DENND1B: variants seen among roughly 807,000 people sequenced by gnomAD.
DENND1B encodes DENN domain containing 1B, also known as DENN domain-containing protein 1B.
DENND1B carries 59 observed loss-of-function variants against 90.1 expected under a neutral mutation model. The observed-to-expected ratio is 0.65, with a 90% CI of 0.53 to 0.81. DENND1B has a LOEUF of 0.81. DENND1B is among the 40% of genes least tolerant of loss of function. The probability of loss-of-function intolerance (pLI) is 0.00; values close to 1 mark genes in which losing one functional copy is unlikely to be tolerated. For missense variants in DENND1B, 862 were observed against 912.6 expected (o/e 0.94, Z 0.71); for synonymous variants, 337 against 324.6 (o/e 1.04, Z -0.41).
intron 3 of DENND1B, among the ~76,000 whole-genome samples, chr1:197,702,791 GTGTTGT>G (rs369046501): frequency 4.6e-5 from 7 of 152,076 alleles, no homozygotes; most frequent in Admixed American, 2.0e-4. Context: ...TACCCCTCAA[GTGTTGT>G]TGTTGTTGTT....
chr1:197,552,666 T>A, intron 16 of DENND1B: 2 of 1,026,380 alleles, frequency 1.9e-6, no homozygotes, highest in Non-Finnish European at 2.3e-6. Context: ...CTTAAATTCA[T>A]ACTCAGTAAT....
chr1:197,720,246 AT>A (rs897344865), intron 2 of DENND1B, among the ~76,000 whole-genome samples: 1 of 151,530 alleles, frequency 6.6e-6, no homozygotes, highest in Non-Finnish European at 1.5e-5. Flanking sequence ...AATTATTGTA[AT>A]TTTTTTTGAG....
chr1:197,697,282 G>A (rs112556430), intron 3 of DENND1B, among the ~76,000 whole-genome samples: 1,741 of 151,464 alleles, frequency 0.011, 42 homozygotes, highest in African/African-American at 0.04. Context: ...CCATATAACT[G>A]ACAGGGTTAG....
intron 11 of DENND1B, among the ~76,000 whole-genome samples, chr1:197,616,740 G>C (rs569114264): frequency 2.6e-5 from 4 of 151,190 alleles, no homozygotes; most frequent in Non-Finnish European, 5.9e-5. Flanking sequence ...TGAGTGCATT[G>C]ATTCTAAAAG....
Position 197,656,648 on chromosome 1 carries a change from A to T in DENND1B, c.366+1652T>A, listed in dbSNP as rs192740518. 2.2e-4 allele frequency among the ~76,000 whole-genome samples: 34 copies of T among 152,166 alleles called. No individual in the cohort carries two copies. In the East Asian group the frequency reaches 2.3e-3, roughly 10 times the overall value. ...GACTCTATCTGTACAAAAAAAAATT[A>T]AAAAATTAGCTATTTGTGGTGGCAC... On this transcript the variant is annotated intron_variant, in intron 6 of 22. Coordinates refer to ENST00000620048, the MANE Select transcript of DENND1B (RefSeq NM_001195215.2).
In DENND1B at chr1:197,509,884, G is replaced by C. The variant is rs1667907557; in HGVS notation, c.*576C>G. 1 of 152,036 alleles carries C rather than the reference G, an allele frequency of 6.6e-6. No homozygotes were observed. The highest frequency in any genetic ancestry group is 1.9e-4 in the East Asian group (1 of 5,152). 9.4% of individuals were successfully genotyped at this position (152,036 alleles called of 1,614,324 possible). A position where few individuals can be genotyped will look rare whatever the true frequency, so the allele number is the denominator to read the frequency against. On this transcript the variant is annotated 3_prime_UTR_variant, in exon 23 of 23. Coordinates refer to ENST00000620048, the MANE Select transcript of DENND1B (RefSeq NM_001195215.2). ...CAAATTAAATATTTCCATTAAGAGAGCTTTTTAATCTTGAAAAGATGAATT... is the reference window on the plus strand; with the variant it reads ...CAAATTAAATATTTCCATTAAGAGACCTTTTTAATCTTGAAAAGATGAATT...
intron 15 of DENND1B, among the ~76,000 whole-genome samples, chr1:197,564,167 AG>A (rs1228360793): frequency 6.6e-6 from 1 of 151,924 alleles, no homozygotes; most frequent in African/African-American, 2.4e-5. Flanking sequence ...AAGCAGCAGA[AG>A]GGTTTGAGAA....
intron 7 of DENND1B, 114 bp from the exon 8 acceptor site, chr1:197,647,228 T>C: frequency 2.0e-6 from 1 of 510,340 alleles, no homozygotes. Context: ...CACTAAAAAA[T>C]ACTTGAATAA....
intron 16 of DENND1B, among the ~76,000 whole-genome samples, chr1:197,549,195 CTATT>C (rs1187758806): frequency 2.0e-5 from 3 of 152,032 alleles, no homozygotes; most frequent in Non-Finnish European, 4.4e-5. Flanking sequence ...GACAAAATAT[CTATT>C]TCTCATTTAT....
chr1:197,636,735 AAAT>A (rs1186324030), intron 10 of DENND1B, among the ~76,000 whole-genome samples: 1 of 152,180 alleles, frequency 6.6e-6, no homozygotes, highest in African/African-American at 2.4e-5. Context: ...TATGATCTGA[AAAT>A]AATATCTGTG....
intron 2 of DENND1B, chr1:197,734,328 G>A: frequency 1.0e-6 from 1 of 959,006 alleles, no homozygotes; most frequent in Non-Finnish European, 1.2e-6. Context: ...TATGATGGTA[G>A]TGAAAGATAA....
intron 5 of DENND1B, 59 bp downstream of exon 5, chr1:197,671,978 G>C: frequency 6.5e-7 from 1 of 1,538,440 alleles, no homozygotes; most frequent in Non-Finnish European, 8.8e-7. Flanking sequence ...GCATAACAAA[G>C]TACAATAGAG....
chr1:197,721,488 CAT>C (rs1276921261), intron 2 of DENND1B, among the ~76,000 whole-genome samples: 2 of 149,494 alleles, frequency 1.3e-5, no homozygotes, highest in East Asian at 2.0e-4. Flanking sequence ...TTATGCGTCA[CAT>C]GTTAAGAAAT....
chr1:197,774,236 T>C (rs544392718), intron 1 of DENND1B, among the ~76,000 whole-genome samples: 1 of 152,340 alleles, frequency 6.6e-6, no homozygotes, highest in African/African-American at 2.4e-5. Context: ...TAATATTCTT[T>C]AGAATTTCTC....
chr1:197,698,170 TAAAACATTCCTCAGC>T (rs1658640752), intron 3 of DENND1B, among the ~76,000 whole-genome samples: 1 of 152,112 alleles, frequency 6.6e-6, no homozygotes, highest in South Asian at 2.1e-4. Flanking sequence ...TAATTGGAAG[TAAAACATTCCTCAGC>T]AAATGCAAAA....
chr1:197,562,863 C>G (rs1445713334), intron 15 of DENND1B, among the ~76,000 whole-genome samples: 1 of 151,876 alleles, frequency 6.6e-6, no homozygotes, highest in East Asian at 1.9e-4. Context: ...AGTGCCCACA[C>G]GAATGACAAG....
intron 6 of DENND1B, among the ~76,000 whole-genome samples, chr1:197,657,124 A>C (rs1388784328): frequency 6.6e-6 from 1 of 152,176 alleles, no homozygotes; most frequent in Non-Finnish European, 1.5e-5. Context: ...AAAGAACAAA[A>C]AGGCAGGCAA....
chr1:197,679,658 T>C (rs1302998544), intron 3 of DENND1B, among the ~76,000 whole-genome samples: 1 of 150,144 alleles, frequency 6.7e-6, no homozygotes, highest in Non-Finnish European at 1.5e-5. Context: ...TGTGTATGTA[T>C]ATATTTATAT....
chr1:197,750,615 G>T (rs200795812), intron 2 of DENND1B, among the ~76,000 whole-genome samples: 2 of 120,648 alleles, frequency 1.7e-5, no homozygotes, highest in African/African-American at 3.2e-5. Flanking sequence ...GATAGATAAA[G>T]ATATAGACAT....
Sources: gnomAD v4.1 joint callset for allele counts (sites outside exome capture counted in the v4.1 genomes callset) on GRCh38, gnomAD v4.1.1 for gene constraint, MANE v1.5 for transcripts, NCBI Gene and HGNC (gene_info 2026-07-23, HGNC 2026-07-21) for gene names.